The following TCEA3 variants were observed in gnomAD, a reference collection of about 807,000 sequenced individuals.
TCEA3 encodes transcription elongation factor A protein 3.
TCEA3 carries 36 observed loss-of-function variants against 44.0 expected under a neutral mutation model. The observed-to-expected ratio is 0.82, with a 90% CI of 0.63 to 1.08. TCEA3 has a LOEUF of 1.08. Ranked by LOEUF, TCEA3 falls within the 50% of genes least tolerant of loss-of-function variation. TCEA3 has a pLI of 0.00. For missense variants in TCEA3, 392 were observed against 441.2 expected (o/e 0.89, Z 1.00); for synonymous variants, 162 against 159.7 (o/e 1.01, Z -0.11).
intron 10 of TCEA3, chr1:23,383,976 A>G: frequency 9.2e-7 from 1 of 1,087,744 alleles, no homozygotes; most frequent in Non-Finnish European, 1.1e-6. Context: ...GGTTCAAAGG[A>G]AATACCATCT....
Position 23,391,176 on chromosome 1 carries a change from G to A in TCEA3, c.819+2703C>T, listed in dbSNP as rs538172657. On this transcript the variant is annotated intron_variant, in intron 8 of 10. Coordinates refer to ENST00000450454, the MANE Select transcript of TCEA3 (RefSeq NM_003196.3). ...TTTTTTTTTTTTTTTTGAGATGGAGGATCTCAGCTCACTGCAACCTCTGCC... is the reference window on the plus strand; with the variant it reads ...TTTTTTTTTTTTTTTTGAGATGGAGAATCTCAGCTCACTGCAACCTCTGCC... Among the ~76,000 whole-genome samples, 24 of 141,490 alleles carry A rather than the reference G, an allele frequency of 1.7e-4. 1 individual carries two copies. The South Asian group carries it at 5.1e-3, about 30-fold the overall frequency. The allele number at this position is 141,490 out of a possible 152,430, so 92.8% of individuals were successfully genotyped here.
At chr1:23,388,144 T>C (rs941639028) in intron 8 of TCEA3, among the ~76,000 whole-genome samples, 3 of 151,814 alleles carry the variant, frequency 2.0e-5, no homozygotes, top group Non-Finnish European at 4.4e-5. Flanking sequence ...CAGTTAAGGG[T>C]TGGTGGAAGG....
At chr1:23,409,373 A>G (rs1474823149) in intron 4 of TCEA3, among the ~76,000 whole-genome samples, 1 of 152,080 alleles carries the variant, frequency 6.6e-6, no homozygotes, top group African/African-American at 2.4e-5. Flanking sequence ...TTTTTTCCCA[A>G]TTTTTCCAAA....
rs1249105455 is a variant in TCEA3, at chr1:23,380,926, C to T, written c.*540G>A. On this transcript the variant is annotated 3_prime_UTR_variant, in exon 11 of 11. Coordinates refer to ENST00000450454, the MANE Select transcript of TCEA3 (RefSeq NM_003196.3). ...TATCAACAGTTCTGCACGTGTGACT[C>T]GGAGGTGGGGGTGGGGTAAGGTTTG... The T allele has an allele frequency of 9.5e-6, 1 of 105,208 alleles. No homozygotes were observed. The highest frequency in any genetic ancestry group is 1.8e-5 in the Non-Finnish European group (1 of 55,050). The allele number at this position is 105,208 out of a possible 1,614,324, so 6.5% of individuals were successfully genotyped here.
intron 5 of TCEA3, among the ~76,000 whole-genome samples, chr1:23,407,346 C>T (rs958446897): frequency 3.9e-5 from 6 of 152,138 alleles, no homozygotes; most frequent in African/African-American, 7.2e-5. Context: ...GTTGCTGTTC[C>T]TTCATTCCTG....
At chr1:23,405,381 G>A (rs530334487) in intron 5 of TCEA3, among the ~76,000 whole-genome samples, 1 of 152,202 alleles carries the variant, frequency 6.6e-6, no homozygotes, top group South Asian at 2.1e-4. Flanking sequence ...TGGATCACAA[G>A]GTCAAGAGAT....
At chr1:23,391,154 T>C (rs1379198152) in intron 8 of TCEA3, among the ~76,000 whole-genome samples, 1 of 145,432 alleles carries the variant, frequency 6.9e-6, no homozygotes, top group African/African-American at 2.6e-5. Flanking sequence ...CTTTCTTTTT[T>C]TTTTTTTTTT....
At chr1:23,389,168 A>C (rs945612135) in intron 8 of TCEA3, among the ~76,000 whole-genome samples, 1 of 152,190 alleles carries the variant, frequency 6.6e-6, no homozygotes, top group Non-Finnish European at 1.5e-5. Flanking sequence ...GATTTTCCAG[A>C]GCATAAAGCA....
chr1:23,407,450 C>T (rs767460307), intron 5 of TCEA3, among the ~76,000 whole-genome samples: 6 of 152,134 alleles, frequency 3.9e-5, no homozygotes, highest in African/African-American at 2.4e-5. Flanking sequence ...TCCCCCAACC[C>T]TCCCCTTCGC....
Position 23,409,825 on chromosome 1 carries a change from AG to A in TCEA3, c.381-1100del, listed in dbSNP as rs1290040258. Among the ~76,000 whole-genome samples, 4 of 152,072 alleles carry A rather than the reference AG, an allele frequency of 2.6e-5. 1 individual carries two copies. Among genetic ancestry groups the A allele is most frequent in the Admixed American group, 2.6e-4 (4 of 15,284 alleles). On this transcript the variant is annotated intron_variant, in intron 4 of 10. Coordinates refer to ENST00000450454, the MANE Select transcript of TCEA3 (RefSeq NM_003196.3). ...CGGCCTCCCAAAGTGTTGGGATTACAGGTGTGAGCCACTGTGTCTGGCCAAT... is the reference window on the plus strand; with the variant it reads ...CGGCCTCCCAAAGTGTTGGGATTACAGTGTGAGCCACTGTGTCTGGCCAAT...
intron 4 of TCEA3, 147 bp from the exon 5 acceptor site, chr1:23,408,873 T>G: frequency 2.9e-6 from 2 of 689,502 alleles, no homozygotes; most frequent in Non-Finnish European, 4.9e-6. Context: ...GAGAGGGAGC[T>G]CCAGGCGGTG....
intron 1 of TCEA3, chr1:23,424,020 C>T: frequency 2.7e-6 from 1 of 371,514 alleles, no homozygotes; most frequent in Non-Finnish European, 5.3e-6. Context: ...AAGAACCGCT[C>T]CTGACGCACC....
At chr1:23,389,242 C>CT (rs1468783815) in intron 8 of TCEA3, among the ~76,000 whole-genome samples, 1 of 152,076 alleles carries the variant, frequency 6.6e-6, no homozygotes, top group Non-Finnish European at 1.5e-5. Context: ...AATCTCAGCA[C>CT]TTTGGGAGGC....
chr1:23,384,229 T>G (rs1638754097), intron 10 of TCEA3, 117 bp downstream of exon 10: 6 of 1,586,996 alleles, frequency 3.8e-6, no homozygotes, highest in Admixed American at 3.4e-5. Flanking sequence ...ACCTACTCTG[T>G]GCAGGCTGGC....
intron 5 of TCEA3, among the ~76,000 whole-genome samples, chr1:23,398,713 G>A (rs1639293459): frequency 6.6e-6 from 1 of 152,064 alleles, no homozygotes; most frequent in South Asian, 2.1e-4. Flanking sequence ...ACACCACCAG[G>A]ATTTGAATCC....
chr1:23,402,107 G>A (rs1438515034), intron 5 of TCEA3, among the ~76,000 whole-genome samples: 3 of 152,144 alleles, frequency 2.0e-5, no homozygotes, highest in Non-Finnish European at 2.9e-5. Flanking sequence ...TTGGCAGATC[G>A]AGGTGGGAGG....
chr1:23,395,462 CT>C (rs1639188134), intron 7 of TCEA3, among the ~76,000 whole-genome samples: 1 of 152,356 alleles, frequency 6.6e-6, no homozygotes, highest in Non-Finnish European at 1.5e-5. Flanking sequence ...TACCCTCCCC[CT>C]GACCTCCAGC....
chr1:23,396,445 C>T (rs1382011736), intron 7 of TCEA3, among the ~76,000 whole-genome samples: 6 of 152,078 alleles, frequency 3.9e-5, no homozygotes, highest in Non-Finnish European at 8.8e-5. Context: ...TCTATGAATA[C>T]ATCCCAGTGG....
chr1:23,410,461 G>A (rs1380533666), intron 4 of TCEA3, among the ~76,000 whole-genome samples: 3 of 152,168 alleles, frequency 2.0e-5, no homozygotes, highest in East Asian at 3.9e-4. Flanking sequence ...CATATTAGTC[G>A]ATACTAGAGC....
Sources: gnomAD v4.1 joint callset for allele counts (sites outside exome capture counted in the v4.1 genomes callset) on GRCh38, gnomAD v4.1.1 for gene constraint, MANE v1.5 for transcripts, NCBI Gene and HGNC (gene_info 2026-07-23, HGNC 2026-07-21) for gene names.